GALNT13: variants seen among roughly 807,000 people sequenced by gnomAD.
The protein encoded by GALNT13 is UDP-GalNAc:polypeptide N-acetylgalactosaminyltransferase 13.
A neutral mutation model predicts 64.2 loss-of-function variants in GALNT13; 28 were observed. That is an observed-to-expected ratio of 0.44 (90% confidence interval 0.32 to 0.60). GALNT13 has a LOEUF of 0.60. GALNT13 is among the 20% of genes least tolerant of loss of function. GALNT13 has a pLI of 0.05. For synonymous variants in GALNT13, 214 were observed against 224.6 expected (o/e 0.95, Z 0.42); for missense variants, 577 against 669.8 (o/e 0.86, Z 1.53).
the GALNT13 span, among the ~76,000 whole-genome samples, chr2:153,395,765 G>C: frequency 2.0e-5 from 3 of 152,122 alleles, no homozygotes; most frequent in Non-Finnish European, 4.4e-5. Flanking sequence ...CAGGGAAGAA[G>C]TCAAGGGATT....
chr2:153,272,096 C>T, the GALNT13 span, among the ~76,000 whole-genome samples: 1 of 152,118 alleles, frequency 6.6e-6, no homozygotes, highest in African/African-American at 2.4e-5. Context: ...CCCTTTTCTA[C>T]ACCTTATACA....
chr2:154,136,653 T>A (rs1682968315), intron 3 of GALNT13, among the ~76,000 whole-genome samples: 1 of 152,170 alleles, frequency 6.6e-6, no homozygotes, highest in Non-Finnish European at 1.5e-5. Context: ...AAGTAGGTTC[T>A]GTGTTAGAGA....
chr2:154,056,186 A>G (rs564793163), intron 3 of GALNT13, among the ~76,000 whole-genome samples: 2 of 152,302 alleles, frequency 1.3e-5, no homozygotes, highest in East Asian at 3.8e-4. Flanking sequence ...TGGGTAAAAG[A>G]TAATTGGAAA....
chr2:153,883,317 C>T (rs189301600), intron 1 of GALNT13, among the ~76,000 whole-genome samples: 22 of 151,662 alleles, frequency 1.5e-4, no homozygotes, highest in Admixed American at 1.3e-3. Flanking sequence ...AGCATGACTT[C>T]CTAATTGGAC....
intron 2 of GALNT13, among the ~76,000 whole-genome samples, chr2:153,925,244 G>A (rs111783787): frequency 0.082 from 12,470 of 152,062 alleles, 889 homozygotes; most frequent in African/African-American, 0.18. Flanking sequence ...GTATAAGGAA[G>A]GGGTCCAGTT....
the GALNT13 span, among the ~76,000 whole-genome samples, chr2:153,555,416 G>A: frequency 6.8e-6 from 1 of 146,782 alleles, no homozygotes; most frequent in Non-Finnish European, 1.5e-5. Context: ...GGATGGTCTC[G>A]ATCTCCTGAC....
At chr2:153,160,096 A>C in the GALNT13 span, among the ~76,000 whole-genome samples, 1 of 152,266 alleles carries the variant, frequency 6.6e-6, no homozygotes, top group Non-Finnish European at 1.5e-5. Flanking sequence ...GGGATGTAGA[A>C]AGAATGTTCC....
the GALNT13 span, among the ~76,000 whole-genome samples, chr2:153,623,996 A>G: frequency 6.6e-6 from 1 of 152,098 alleles, no homozygotes; most frequent in Admixed American, 6.6e-5. Flanking sequence ...CATAGGTCCC[A>G]AACTTTTTGT....
chr2:154,295,678 A>C (rs1456347028), intron 8 of GALNT13, among the ~76,000 whole-genome samples: 3 of 152,090 alleles, frequency 2.0e-5, no homozygotes, highest in African/African-American at 7.2e-5. Context: ...CAGCCATTAG[A>C]GAAAGCTCTA....
At chr2:154,439,141 A>G (rs1277719983) in intron 12 of GALNT13, among the ~76,000 whole-genome samples, 2 of 152,220 alleles carry the variant, frequency 1.3e-5, no homozygotes, top group African/African-American at 4.8e-5. Flanking sequence ...GGAAGGAACA[A>G]TATCTGACAA....
chr2:154,429,650 C>T (rs1332525202), intron 11 of GALNT13, among the ~76,000 whole-genome samples: 1 of 152,190 alleles, frequency 6.6e-6, no homozygotes, highest in African/African-American at 2.4e-5. Context: ...AATGTGAATA[C>T]AGTAAACAAC....
At chr2:154,017,654 T>A (rs1013567925) in intron 3 of GALNT13, among the ~76,000 whole-genome samples, 1 of 152,230 alleles carries the variant, frequency 6.6e-6, no homozygotes, top group Non-Finnish European at 1.5e-5. Context: ...TATTATTGAC[T>A]ATAAAGTTAT....
At chr2:154,392,912 G>A (rs917650710) in intron 9 of GALNT13, among the ~76,000 whole-genome samples, 6 of 152,132 alleles carry the variant, frequency 3.9e-5, no homozygotes, top group African/African-American at 1.4e-4. Context: ...GAGTGGCTGA[G>A]GATATATTGT....
At chr2:154,156,085 G>A (rs1034432151) in intron 4 of GALNT13, among the ~76,000 whole-genome samples, 1 of 151,172 alleles carries the variant, frequency 6.6e-6, no homozygotes, top group Admixed American at 6.6e-5. Flanking sequence ...TTATACTGTA[G>A]ATACAGATAG....
chr2:153,717,403 A>C, the GALNT13 span, among the ~76,000 whole-genome samples: 1 of 152,166 alleles, frequency 6.6e-6, no homozygotes, highest in Non-Finnish European at 1.5e-5. Flanking sequence ...CTATTGAGGA[A>C]ATAACTTCTA....
chr2:153,853,434 G>A, the GALNT13 span, among the ~76,000 whole-genome samples: 1 of 152,092 alleles, frequency 6.6e-6, no homozygotes, highest in South Asian at 2.1e-4. Context: ...TCAAAAACTG[G>A]AAACAAATCA....
At chr2:153,614,048 T>C in the GALNT13 span, among the ~76,000 whole-genome samples, 1 of 152,010 alleles carries the variant, frequency 6.6e-6, no homozygotes, top group Non-Finnish European at 1.5e-5. Flanking sequence ...TTGTTGAGTA[T>C]TTCCCAAACT....
chr2:153,467,932 T>C, the GALNT13 span, among the ~76,000 whole-genome samples: 1 of 152,110 alleles, frequency 6.6e-6, no homozygotes, highest in African/African-American at 2.4e-5. Flanking sequence ...AAACTTTTCA[T>C]TTATTAATTG....
chr2:154,360,882 G>C (rs1418981128), intron 9 of GALNT13, among the ~76,000 whole-genome samples: 2 of 152,062 alleles, frequency 1.3e-5, no homozygotes, highest in African/African-American at 2.4e-5. Flanking sequence ...AAAGGGTTGA[G>C]GCATTTGACT....
Sources: allele counts gnomAD v4.1 joint callset (sites outside exome capture counted in the v4.1 genomes callset), GRCh38; gene constraint gnomAD v4.1.1; transcripts MANE v1.5; gene names NCBI Gene and HGNC (gene_info 2026-07-23, HGNC 2026-07-21).